KCNMA1: variants seen among roughly 807,000 people sequenced by gnomAD.
KCNMA1 encodes potassium calcium-activated channel subfamily M alpha 1, also known as Calcium-activated potassium channel subunit alpha-1.
Under a neutral mutation model 140.0 loss-of-function variants are expected in KCNMA1, and 29 were observed. The observed-to-expected ratio is 0.21, with a 90% CI of 0.15 to 0.28. KCNMA1 has a LOEUF of 0.28. Ranked by LOEUF, KCNMA1 falls within the 10% of genes least tolerant of loss-of-function variation. The pLI is 1.00. For synonymous variants in KCNMA1, 612 were observed against 611.9 expected, an observed-to-expected ratio of 1.00 and a Z score of 0.00; for missense variants, 880 against 1,602.2, an observed-to-expected ratio of 0.55 and a Z score of 7.70.
chr10:77,418,724 A>G (rs1259431913), intron 1 of KCNMA1, among the ~76,000 whole-genome samples: 1 of 152,186 alleles, frequency 6.6e-6, no homozygotes, highest in African/African-American at 2.4e-5. Flanking sequence ...CCTCCCTCCT[A>G]CCATGTCCCC....
Position 77,561,935 on chromosome 10 carries a change from G to A in KCNMA1, c.378+75330C>T, listed in dbSNP as rs575642196. Reference sequence around the variant, plus strand: ...TCGAAACTGAATTTTTGCATGTTTCGGGGCTGGAAAGAACTCTTGAGCCAT... The same window carrying A: ...TCGAAACTGAATTTTTGCATGTTTCAGGGCTGGAAAGAACTCTTGAGCCAT... On this transcript the variant is annotated intron_variant, in intron 1 of 27. Transcript: ENST00000286628. Among the ~76,000 whole-genome samples the A allele has an allele frequency of 1.2e-3, 184 of 152,242 alleles. 2 individuals are homozygous for A. The highest frequency in any genetic ancestry group is 1.4e-3 in the Non-Finnish European group (96 of 68,024).
At chr10:76,917,471 A>T (rs1390227782) in intron 23 of KCNMA1, among the ~76,000 whole-genome samples, 1 of 152,184 alleles carries the variant, frequency 6.6e-6, no homozygotes, top group African/African-American at 2.4e-5. Context: ...CTGTGAAAAG[A>T]CTCAATTCCT....
chr10:76,906,612 C>T (rs2047933850), intron 25 of KCNMA1, among the ~76,000 whole-genome samples: 1 of 152,212 alleles, frequency 6.6e-6, no homozygotes, highest in African/African-American at 2.4e-5. Flanking sequence ...AGACTGTCAA[C>T]AGCTGAAGAG....
rs1188778077 is a variant in KCNMA1, at chr10:77,631,105, CCAAAAAAA to C, written c.378+6152_378+6159del. Among the ~76,000 whole-genome samples the C allele has an allele frequency of 8.6e-3, 773 of 90,170 alleles. 37 individuals are homozygous for C. The Admixed American group carries it at 0.089, about 10-fold the overall frequency. The allele number at this position is 90,170 out of a possible 152,430, so 59.2% of individuals were successfully genotyped here. On this transcript the variant is annotated intron_variant, in intron 1 of 27. Coordinates refer to ENST00000286628, the MANE Select transcript of KCNMA1 (RefSeq NM_001161352.2). ...CTGGGCAACAGAGTGAGACCCTGTC[CCAAAAAAA>C]AAAAAAAAAAAAAAAAGTTTGAGAA...
intron 2 of KCNMA1, among the ~76,000 whole-genome samples, chr10:77,284,859 C>A (rs1347674040): frequency 1.3e-5 from 2 of 152,026 alleles, no homozygotes; most frequent in Non-Finnish European, 2.9e-5. Flanking sequence ...CAGTGTCATT[C>A]TTCTGTAAAT....
intron 2 of KCNMA1, among the ~76,000 whole-genome samples, chr10:77,300,510 A>G (rs2154331426): frequency 1.3e-5 from 2 of 152,332 alleles, no homozygotes; most frequent in Admixed American, 1.3e-4. Flanking sequence ...ATTTTCCAAC[A>G]TAAAATGATT....
At chr10:77,126,242 C>T (rs531061131) in intron 5 of KCNMA1, among the ~76,000 whole-genome samples, 2 of 152,288 alleles carry the variant, frequency 1.3e-5, no homozygotes, top group East Asian at 1.9e-4. Flanking sequence ...CCAGGAATTA[C>T]ATGCCCTCCC....
At chr10:77,112,175 T>G (rs781724175) in intron 7 of KCNMA1, among the ~76,000 whole-genome samples, 192 bp downstream of exon 7, 61 of 152,210 alleles carry the variant, frequency 4.0e-4, no homozygotes, top group Non-Finnish European at 2.4e-4. Context: ...AGTGCAAACA[T>G]TACTCACCAT....
rs35430676 is a variant in KCNMA1, at chr10:77,529,239, T to TCC, written c.378+108024_378+108025dup. 4.9e-3 allele frequency among the ~76,000 whole-genome samples: 738 copies of TCC among 150,774 alleles called. 10 individuals carry two copies. The highest frequency in any genetic ancestry group is 0.017 in the African/African-American group (678 of 40,878). ...CTGTGTTCCTGCCCTCCCCTCTTTT[T>TCC]CCCCCTGCACCACTCTGCCTGTGGT... On this transcript the variant is annotated intron_variant, in intron 1 of 27. Coordinates refer to ENST00000286628, the MANE Select transcript of KCNMA1 (RefSeq NM_001161352.2).
At chr10:76,907,259 A>G (rs2048176746) in intron 25 of KCNMA1, among the ~76,000 whole-genome samples, 1 of 152,190 alleles carries the variant, frequency 6.6e-6, no homozygotes, top group South Asian at 2.1e-4. Flanking sequence ...AGGAGATGAG[A>G]GATGGCTTGT....
intron 1 of KCNMA1, among the ~76,000 whole-genome samples, chr10:77,418,574 A>AC (rs1323604946): frequency 1.3e-5 from 2 of 152,012 alleles, no homozygotes; most frequent in Non-Finnish European, 2.9e-5. Context: ...GGGCATCCAC[A>AC]CCCTGTCCCC....
intron 5 of KCNMA1, among the ~76,000 whole-genome samples, chr10:77,128,454 T>C (rs917832479): frequency 6.6e-6 from 1 of 150,958 alleles, no homozygotes; most frequent in Admixed American, 6.6e-5. Context: ...GGGGCACTGG[T>C]TCTGGACTTT....
intron 1 of KCNMA1, among the ~76,000 whole-genome samples, chr10:77,423,148 T>C (rs773932332): frequency 6.6e-6 from 1 of 152,220 alleles, no homozygotes; most frequent in South Asian, 2.1e-4. Context: ...ATCTAATTAA[T>C]GTGATGTTTT....
chr10:77,592,654 G>A (rs892958385), intron 1 of KCNMA1, among the ~76,000 whole-genome samples: 6 of 152,202 alleles, frequency 3.9e-5, no homozygotes, highest in African/African-American at 1.4e-4. Flanking sequence ...AGACCCAGAG[G>A]CAGGAAAGGG....
chr10:77,152,263 T>C (rs181372310), intron 5 of KCNMA1, among the ~76,000 whole-genome samples: 121 of 141,156 alleles, frequency 8.6e-4, no homozygotes, highest in African/African-American at 2.7e-3. Flanking sequence ...TGGAGACTCT[T>C]CTGTTTTTTT....
intron 12 of KCNMA1, among the ~76,000 whole-genome samples, chr10:77,083,813 C>T (rs992396872): frequency 7.7e-4 from 91 of 118,944 alleles, no homozygotes; most frequent in African/African-American, 2.1e-3. Flanking sequence ...CCAGCCTGGG[C>T]GATAGTGCGA....
chr10:77,436,550 T>A (rs761584793), intron 1 of KCNMA1, among the ~76,000 whole-genome samples: 10 of 152,206 alleles, frequency 6.6e-5, no homozygotes, highest in Non-Finnish European at 7.3e-5. Flanking sequence ...TCACTTACAG[T>A]ATCTCATTTA....
At chr10:77,498,243 G>C (rs1163208446) in intron 1 of KCNMA1, among the ~76,000 whole-genome samples, 2 of 152,228 alleles carry the variant, frequency 1.3e-5, no homozygotes, top group African/African-American at 4.8e-5. Flanking sequence ...GGGCTGAACA[G>C]GGAGGTGAGC....
At chr10:77,431,270 G>T (rs536741505) in intron 1 of KCNMA1, among the ~76,000 whole-genome samples, 1 of 151,712 alleles carries the variant, frequency 6.6e-6, no homozygotes, top group East Asian at 1.9e-4. Flanking sequence ...CCATAGATTG[G>T]CTCCCATTCT....
Sources: allele counts gnomAD v4.1 joint callset (sites outside exome capture counted in the v4.1 genomes callset), GRCh38; gene constraint gnomAD v4.1.1; transcripts MANE v1.5; gene names NCBI Gene and HGNC (gene_info 2026-07-23, HGNC 2026-07-21).